Variants in CLN3 observed in about 807,000 individuals in gnomAD.
CLN3 encodes CLN3 lysosomal/endosomal transmembrane protein, battenin.
A neutral mutation model predicts 60.7 loss-of-function variants in CLN3; 49 were observed. The ratio of observed to expected loss-of-function variants is 0.81; its 90% CI spans 0.64 to 1.02. The LOEUF is 1.02. CLN3 is among the 50% of genes least tolerant of loss of function. CLN3 has a pLI of 0.00. For synonymous variants in CLN3, 256 were observed against 245.8 expected (o/e 1.04, Z -0.39); for missense variants, 516 against 557.4 (o/e 0.93, Z 0.75).
intron 5 of CLN3, 151 bp downstream of exon 5, chr16:28,488,440 G>T: frequency 3.0e-6 from 2 of 657,684 alleles, no homozygotes; most frequent in Non-Finnish European, 5.3e-6. Context: ...CTCCCAAAGT[G>T]CTGGGATTAC....
intron 14 of CLN3, among the ~76,000 whole-genome samples, chr16:28,480,581 A>G (rs531243673): frequency 6.6e-6 from 1 of 151,942 alleles, no homozygotes; most frequent in Non-Finnish European, 1.5e-5. Context: ...TTGCATTTTT[A>G]ATAGAGACGG....
chr16:28,472,062 T>C (rs1322720099), downstream of CLN3, among the ~76,000 whole-genome samples: 1 of 152,228 alleles, frequency 6.6e-6, no homozygotes, highest in Non-Finnish European at 1.5e-5. Flanking sequence ...TCACATTTCC[T>C]ATTTTCAAAA....
rs758152793 is a variant in CLN3 at position 28,485,684 on chromosome 16, TA to T, written c.677+662del. ...CGAGGCCAACCTGGTCAACACTGAT[TA>T]AAAAAAAAAAAAAAAAAAAAAGGAA... On this transcript the variant is annotated intron_variant, in intron 9 of 15. Coordinates refer to ENST00000636147, the MANE Select transcript of CLN3 (RefSeq NM_001042432.2). 9.3e-3 allele frequency among the ~76,000 whole-genome samples: 784 copies of T among 84,566 alleles called. 3 individuals carry two copies. Among genetic ancestry groups the T allele is most frequent in the South Asian group, 0.041 (121 of 2,916 alleles). The allele number at this position is 84,566 out of a possible 152,430, so 55.5% of individuals were successfully genotyped here. A position where few individuals can be genotyped will look rare whatever the true frequency, so the allele number is the denominator to read the frequency against.
chr16:28,477,454 G>A lies in CLN3; in HGVS notation c.*62C>T. ...ATGGAGGGTCTCTGGGGTGGGCCTG[G>A]GTGTCTGACCTGTCCCTCTGCCCAC... On this transcript the variant is annotated 3_prime_UTR_variant, in exon 16 of 16. Transcript: ENST00000636147. 6.2e-7 allele frequency: 1 copy of A among 1,608,278 alleles called. No individual in the cohort carries two copies. Among genetic ancestry groups the A allele is most frequent in the Non-Finnish European group, 8.5e-7 (1 of 1,177,962 alleles).
At chr16:28,469,886 TG>T, downstream of CLN3, 1 of 280,232 alleles carries the variant, frequency 3.6e-6, no homozygotes, top group South Asian at 3.2e-5. Flanking sequence ...GCAGGACAAT[TG>T]CTTGAACCCC....
intron 14 of CLN3, chr16:28,479,720 G>A (rs1435689527): frequency 5.0e-6 from 1 of 199,014 alleles, no homozygotes; most frequent in Admixed American, 5.5e-5. Flanking sequence ...AGTGAGCCAA[G>A]ATTGCACCGC....
At chr16:28,473,825 G>A (rs2045970659), downstream of CLN3, among the ~76,000 whole-genome samples, 1 of 152,106 alleles carries the variant, frequency 6.6e-6, no homozygotes, top group Non-Finnish European at 1.5e-5. Context: ...AGAACTATAT[G>A]TACGGTCAAT....
intron 10 of CLN3, among the ~76,000 whole-genome samples, chr16:28,483,623 G>A (rs1460978376): frequency 6.6e-6 from 1 of 151,726 alleles, no homozygotes; most frequent in East Asian, 1.9e-4. Context: ...CCCACCGCAG[G>A]GCCTCAGCAC....
intron 4 of CLN3, 135 bp from the exon 5 acceptor site, chr16:28,488,797 G>C: frequency 1.2e-6 from 1 of 802,400 alleles, no homozygotes; most frequent in Non-Finnish European, 2.2e-6. Context: ...GGACCTCAGC[G>C]TCTCTGCATG....
chr16:28,488,492 A>T, intron 5 of CLN3, 99 bp downstream of exon 5: 1 of 1,097,184 alleles, frequency 9.1e-7, no homozygotes, highest in Non-Finnish European at 1.4e-6. Context: ...CAACTGTTTT[A>T]ATCATGACAG....
intron 9 of CLN3, among the ~76,000 whole-genome samples, chr16:28,485,293 G>A (rs1419145326): frequency 1.1e-4 from 17 of 150,370 alleles, no homozygotes; most frequent in Non-Finnish European, 2.2e-4. Context: ...CAGGCCGGGC[G>A]CGGTGGCTCA....
chr16:28,490,636 T>G (rs1166363144), intron 3 of CLN3, among the ~76,000 whole-genome samples: 1 of 150,362 alleles, frequency 6.7e-6, no homozygotes, highest in Non-Finnish European at 1.5e-5. Context: ...GGCAGGCGCC[T>G]GTAGTCTCAG....
In CLN3 at chr16:28,487,653, C is replaced by T. The variant is rs766949077; in HGVS notation, c.374+9G>A. ...TGCCCACCCTGCCTCCCACTACCCTCACCCAGACCTGTAGGGCAGCAGGTG... is the reference window on the plus strand; with the variant it reads ...TGCCCACCCTGCCTCCCACTACCCTTACCCAGACCTGTAGGGCAGCAGGTG... On this transcript the variant is annotated intron_variant, in intron 6 of 15. Coordinates refer to ENST00000636147, the MANE Select transcript of CLN3 (RefSeq NM_001042432.2). The T allele has an allele frequency of 6.2e-7, 1 of 1,612,688 alleles. No individual in the cohort carries two copies. Among genetic ancestry groups the T allele is most frequent in the East Asian group, 2.2e-5 (1 of 44,852 alleles).
intron 14 of CLN3, 80 bp downstream of exon 14, chr16:28,482,025 G>A (rs1412813399): frequency 9.6e-7 from 1 of 1,040,640 alleles, no homozygotes; most frequent in African/African-American, 1.6e-5. Context: ...CACTGATAGT[G>A]GGAAGCAGGG....
intron 5 of CLN3, chr16:28,488,040 C>CTA (rs59962005): frequency 0.016 from 5,363 of 344,684 alleles, 147 homozygotes; most frequent in East Asian, 0.091. Context: ...GACTCAGAAA[C>CTA]TATATATATA....
At chr16:28,482,599 G>T in intron 11 of CLN3, 27 bp downstream of exon 11, 1 of 1,614,182 alleles carries the variant, frequency 6.2e-7, no homozygotes, top group Non-Finnish European at 8.5e-7. Context: ...AAGCCCCACA[G>T]GGACATACCC....
In CLN3 at chr16:28,477,447, G is replaced by A. The variant is rs1053275251; in HGVS notation, c.*69C>T. Reference sequence around the variant, plus strand: ...ACAGTTCATGGAGGGTCTCTGGGGTGGGCCTGGGTGTCTGACCTGTCCCTC... The same window carrying A: ...ACAGTTCATGGAGGGTCTCTGGGGTAGGCCTGGGTGTCTGACCTGTCCCTC... On this transcript the variant is annotated 3_prime_UTR_variant, in exon 16 of 16. Coordinates refer to ENST00000636147, the MANE Select transcript of CLN3 (RefSeq NM_001042432.2). 5.6e-6 allele frequency: 9 copies of A among 1,602,274 alleles called. No individual in the cohort carries two copies. The highest frequency in any genetic ancestry group is 1.3e-5 in the African/African-American group (1 of 74,666).
At chr16:28,489,874 T>C (rs1326220035) in intron 3 of CLN3, among the ~76,000 whole-genome samples, 1 of 151,854 alleles carries the variant, frequency 6.6e-6, no homozygotes, top group Non-Finnish European at 1.5e-5. Context: ...CTGAGCAATA[T>C]GGAGAAACCC....
downstream of CLN3, among the ~76,000 whole-genome samples, chr16:28,474,900 C>T (rs1275110625): frequency 6.6e-6 from 1 of 152,016 alleles, no homozygotes; most frequent in African/African-American, 2.4e-5. Context: ...GCCAGGAGTT[C>T]CAGTCCAGCC....
Sources: gnomAD v4.1 joint callset for allele counts (sites outside exome capture counted in the v4.1 genomes callset) on GRCh38, gnomAD v4.1.1 for gene constraint, MANE v1.5 for transcripts, NCBI Gene and HGNC (gene_info 2026-07-23, HGNC 2026-07-21) for gene names.